The following ITFG2 variants were observed in gnomAD, a reference collection of about 807,000 sequenced individuals.
ITFG2 encodes the protein KICSTOR complex protein ITFG2.
Under a neutral mutation model 54.4 loss-of-function variants are expected in ITFG2, and 36 were observed. The observed-to-expected ratio is 0.66, with a 90% CI of 0.51 to 0.87. The LOEUF (loss-of-function observed/expected upper bound fraction) is 0.87. Ranked by LOEUF, ITFG2 falls within the 40% of genes least tolerant of loss-of-function variation. ITFG2 has a pLI of 0.00. For missense variants in ITFG2, 524 were observed against 576.7 expected (o/e 0.91, Z 0.94); for synonymous variants, 211 against 225.4 (o/e 0.94, Z 0.57).
At chr12:2,834,696 C>A, upstream of ITFG2, 2 of 1,613,744 alleles carry the variant, frequency 1.2e-6, no homozygotes, top group Non-Finnish European at 1.7e-6. Context: ...GCAGGTCGGC[C>A]GAGTCCTTGT....
At chr12:2,817,984 G>A (rs2097927571) in intron 3 of ITFG2, 34 bp downstream of exon 3, 1 of 1,612,116 alleles carries the variant, frequency 6.2e-7, no homozygotes, top group African/African-American at 1.3e-5. Flanking sequence ...TTGGTTCTTA[G>A]CTCACAGTGG....
upstream of ITFG2, chr12:2,834,990 G>GA: frequency 6.4e-7 from 1 of 1,552,836 alleles, no homozygotes; most frequent in Non-Finnish European, 8.7e-7. Flanking sequence ...ACATGCAGGA[G>GA]CAGCCGCGTC....
At chr12:2,820,642 C>A (rs2153924497) in intron 5 of ITFG2, 82 bp from the exon 6 acceptor site, 1 of 393,576 alleles carries the variant, frequency 2.5e-6, no homozygotes. Context: ...CCGCCCCCGC[C>A]CACCCACCGC....
At chr12:2,857,106 A>G (rs1402179563) in intron 2 of ITFG2, 25 of 702,204 alleles carry the variant, frequency 3.6e-5, no homozygotes, top group Non-Finnish European at 5.7e-5. Flanking sequence ...TGGGGTTGCT[A>G]TGGTGATGCT....
chr12:2,821,383 G>A, intron 7 of ITFG2, 24 bp downstream of exon 7: 1 of 1,584,808 alleles, frequency 6.3e-7, no homozygotes, highest in Non-Finnish European at 8.6e-7. Flanking sequence ...GGGTGTGAGG[G>A]AGGGAGATGA....
chr12:2,817,171 AAGAGGTTCAGC>A (rs2153923812), intron 1 of ITFG2, 41 bp from the exon 2 acceptor site: 1 of 1,199,518 alleles, frequency 8.3e-7, no homozygotes, highest in African/African-American at 1.5e-5. Context: ...GAAGAGCTTG[AAGAGGTTCAGC>A]AGAGTCCCAT....
chr12:2,850,829 C>T (rs908056653), intron 2 of ITFG2, among the ~76,000 whole-genome samples: 26 of 151,800 alleles, frequency 1.7e-4, no homozygotes, highest in African/African-American at 6.3e-4. Context: ...CACCACCACT[C>T]CTGGCTAATT....
At position 2,824,180 on chromosome 12, in the gene ITFG2, A is replaced by G. The variant is rs1169683347; in HGVS notation, c.1331A>G (p.Gln444Arg). ...QPPQCAPSSL[Q>R]DPT is the part of the protein sequence containing the mutation. ...CCACAGTGTGCTCCCTCAAGCCTCC[A>G]GGATCCCACCTAGCTGTACTTGCCT... Residue 444 changes from glutamine to arginine, a missense_variant, in exon 12 of 12, where the codon CAG becomes CGG. Gln to Arg is a conservative substitution (Grantham distance 43). Coordinates refer to ENST00000228799, the MANE Select transcript of ITFG2 (RefSeq NM_018463.4). 6.2e-7 allele frequency: 1 copy of G among 1,614,124 alleles called. No homozygotes were observed. Among genetic ancestry groups the G allele is most frequent in the Non-Finnish European group, 8.5e-7 (1 of 1,180,008 alleles).
intron 1 of ITFG2, among the ~76,000 whole-genome samples, chr12:2,815,155 A>G (rs553810651): frequency 6.6e-6 from 1 of 152,166 alleles, no homozygotes; most frequent in African/African-American, 2.4e-5. Flanking sequence ...GAAATCAAAG[A>G]TTCAAATAAA....
In ITFG2 at chr12:2,823,811, G is replaced by A. The variant is rs147278141; in HGVS notation, c.1108G>A (p.Val370Ile). ...AGAGGGCCGCAACAGCCCCTGCCTC[G>A]TATATGTCACTTTCAACCAGAAGAT... is the stretch of plus-strand genomic sequence containing the variant. ...CKEGRNSPCL[V>I]YVTFNQKIYV... The change falls in exon 11 of 12, where the codon GTA becomes ATA. Residue 370 changes from valine (V) to isoleucine (I), a missense_variant. Transcript: ENST00000228799. 2.3e-5 allele frequency: 37 copies of A among 1,602,258 alleles called. No homozygotes were observed. Among genetic ancestry groups the A allele is most frequent in the African/African-American group, 2.3e-4 (17 of 74,700 alleles).
At chr12:2,818,380 A>G in intron 4 of ITFG2, 103 bp downstream of exon 4, 3 of 1,551,440 alleles carry the variant, frequency 1.9e-6, no homozygotes, top group Admixed American at 1.9e-5. Context: ...GTATTCATGT[A>G]TGCATTTGTT....
upstream of ITFG2, chr12:2,836,752 T>TGGGACGCAGAGA (rs1176691792): frequency 6.6e-6 from 1 of 151,954 alleles, no homozygotes; most frequent in Non-Finnish European, 1.5e-5. Context: ...AAGGAGGAAG[T>TGGGACGCAGAGA]GGGACGCAGA....
At chr12:2,855,315 C>T (rs373511554) in intron 2 of ITFG2, 13 of 1,524,050 alleles carry the variant, frequency 8.5e-6, no homozygotes, top group African/African-American at 1.4e-5. Flanking sequence ...CTGTGCAGGG[C>T]GGCAGCTTCA....
chr12:2,824,362 G>A lies in ITFG2; in HGVS notation c.*169G>A, dbSNP rs573439847. 63 of 740,402 alleles carry A rather than the reference G, an allele frequency of 8.5e-5. 1 individual carries two copies. The South Asian group carries it at 8.6e-4, about 10-fold the overall frequency. The allele number at this position is 740,402 out of a possible 1,614,324, so 45.9% of individuals were successfully genotyped here. A position where few individuals can be genotyped will look rare whatever the true frequency, so the allele number is the denominator to read the frequency against. ...AGGGTGACCGTGAACTATAGACCTC[G>A]CAGTCTTTTCGGTGAAAGAAGAGAC... On this transcript the variant is annotated 3_prime_UTR_variant, in exon 12 of 12. Coordinates refer to ENST00000228799, the MANE Select transcript of ITFG2 (RefSeq NM_018463.4).
At chr12:2,844,925 A>G (rs2098049985) in intron 2 of ITFG2, among the ~76,000 whole-genome samples, 2 of 152,220 alleles carry the variant, frequency 1.3e-5, no homozygotes, top group Admixed American at 1.3e-4. Context: ...CAATGGCAAG[A>G]TGCAGCCACA....
At chr12:2,856,856 C>A in intron 2 of ITFG2, 1 of 687,230 alleles carries the variant, frequency 1.5e-6, no homozygotes, top group Non-Finnish European at 2.7e-6. Flanking sequence ...ATGGGCCAGG[C>A]AGTCTGCTGC....
chr12:2,826,821 AAGT>A, downstream of ITFG2: 2 of 272,834 alleles, frequency 7.3e-6, no homozygotes, highest in Non-Finnish European at 1.3e-5. Context: ...GTGGTGTGGG[AAGT>A]TGAGTTGTGT....
upstream of ITFG2, among the ~76,000 whole-genome samples, chr12:2,833,600 TA>T (rs1207082044): frequency 6.6e-6 from 1 of 151,996 alleles, no homozygotes; most frequent in African/African-American, 2.4e-5. Context: ...CCTGGTTGAG[TA>T]CCTCTTCTCA....
At chr12:2,859,223 G>A in intron 3 of ITFG2, 2 of 1,613,258 alleles carry the variant, frequency 1.2e-6, no homozygotes, top group East Asian at 4.5e-5. Flanking sequence ...CGGCCCAGCG[G>A]GAAGTACTGG....
Sources: gnomAD v4.1 joint callset for allele counts (sites outside exome capture counted in the v4.1 genomes callset) on GRCh38, gnomAD v4.1.1 for gene constraint, MANE v1.5 for transcripts, NCBI Gene and HGNC (gene_info 2026-07-23, HGNC 2026-07-21) for gene names.